POGZ: variants seen among roughly 807,000 people sequenced by gnomAD.
The protein encoded by POGZ is pogo transposable element with ZNF domain.
In POGZ, 17 loss-of-function variants were observed where a neutral mutation model predicts 134.6. The observed-to-expected ratio is 0.13, with a 90% CI of 0.09 to 0.19. The LOEUF (loss-of-function observed/expected upper bound fraction) is 0.19, where lower values mean the gene tolerates loss of function less well. Ranked by LOEUF, POGZ falls within the 10% of genes least tolerant of loss-of-function variation. POGZ has a pLI of 1.00. For missense variants in POGZ, 1,306 were observed against 1,769.7 expected, an observed-to-expected ratio of 0.74 and a Z score of 4.70; for synonymous variants, 693 against 657.1, an observed-to-expected ratio of 1.05 and a Z score of -0.84.
intron 1 of POGZ, among the ~76,000 whole-genome samples, chr1:151,445,412 C>T (rs1160035600): frequency 4.6e-5 from 7 of 151,202 alleles, no homozygotes; most frequent in Admixed American, 4.6e-4. Context: ...ATCCCAGTTA[C>T]TCAGGAAGCT....
intron 10 of POGZ, 85 bp from the exon 11 acceptor site, chr1:151,412,481 C>A: frequency 1.3e-6 from 1 of 745,696 alleles, no homozygotes. Flanking sequence ...TCTCTGCCTC[C>A]TTTATTTTGA....
rs202098093 is a variant in POGZ at position 151,405,476 on chromosome 1, G to A, written c.3559C>T (p.Pro1187Ser). 5 of 1,614,098 alleles carry A rather than the reference G, an allele frequency of 3.1e-6. No individual in the cohort carries two copies. The East Asian group carries it at 8.9e-5, about 29-fold the overall frequency. The change falls in exon 19 of 19, where the codon CCA (proline) becomes TCA (serine). Residue 1187 changes from proline to serine, a missense_variant. By Grantham distance (74) the Pro-to-Ser change is moderately conservative. This residue lies in a region of POGZ where 161 missense variants were observed against 185.4 expected (regional missense o/e 0.87). Transcript: ENST00000271715. This position sits in a 1 kb window ranked among gnomAD's most constrained non-coding sequence, Gnocchi z 4.9. The stretch of plus-strand genomic sequence containing the variant: ...TTTGCCTCTAGCAATATGGAGTCTG[G>A]CATGTTAGCAGGCTGATCCATCTGC... ...RGQMDQPANMPDSILLEAKES... is the reference protein window; with the variant it reads ...RGQMDQPANMSDSILLEAKES...
At chr1:151,440,422 CCTTT>C (rs563620472) in intron 3 of POGZ, among the ~76,000 whole-genome samples, 8 of 151,804 alleles carry the variant, frequency 5.3e-5, no homozygotes, top group African/African-American at 1.7e-4. Context: ...TACTATATAG[CCTTT>C]CTATTAAAAA....
At chr1:151,439,417 T>A (rs1660161164) in intron 3 of POGZ, among the ~76,000 whole-genome samples, 1 of 152,210 alleles carries the variant, frequency 6.6e-6, no homozygotes, top group Non-Finnish European at 1.5e-5. Flanking sequence ...TAAAGTTTGA[T>A]AATACCTAAA....
intron 1 of POGZ, among the ~76,000 whole-genome samples, chr1:151,458,769 C>T (rs1280468441): frequency 6.9e-6 from 1 of 144,610 alleles, no homozygotes; most frequent in Non-Finnish European, 1.5e-5. Context: ...GCCGAGCGTG[C>T]GTGTGGACGT....
intron 1 of POGZ, among the ~76,000 whole-genome samples, chr1:151,458,795 G>T (rs935770802): frequency 6.9e-6 from 1 of 145,668 alleles, no homozygotes; most frequent in Non-Finnish European, 1.5e-5. Context: ...TGTGTGCGGG[G>T]CCGTGGGGCG....
chr1:151,425,844 C>A (rs903824398), intron 7 of POGZ, among the ~76,000 whole-genome samples: 1 of 152,030 alleles, frequency 6.6e-6, no homozygotes, highest in African/African-American at 2.4e-5. Context: ...TGTTCTAGTC[C>A]CTGCTTTCAA....
chr1:151,449,892 C>A (rs1174899723), intron 1 of POGZ, among the ~76,000 whole-genome samples: 1 of 152,172 alleles, frequency 6.6e-6, no homozygotes, highest in African/African-American at 2.4e-5. Flanking sequence ...GTCTCAAAAA[C>A]TCTGCAAGAG....
chr1:151,408,655 C>T, intron 13 of POGZ, 39 bp downstream of exon 13: 1 of 1,604,536 alleles, frequency 6.2e-7, no homozygotes. Context: ...TCTATTCCTC[C>T]CTCCCTGGGC....
intron 17 of POGZ, 96 bp downstream of exon 17, chr1:151,406,815 G>GTC: frequency 9.8e-7 from 1 of 1,024,546 alleles, no homozygotes; most frequent in Non-Finnish European, 1.5e-6. Context: ...AACAGTGAAT[G>GTC]AGTGAGGCCA....
At chr1:151,450,806 T>C (rs994325477) in intron 1 of POGZ, 1 of 148,050 alleles carries the variant, frequency 6.8e-6, no homozygotes, top group Non-Finnish European at 1.5e-5. Context: ...CCTATTTCTA[T>C]GTTCTTCCTC....
chr1:151,413,102 G>GC (rs1180948035), intron 10 of POGZ, among the ~76,000 whole-genome samples: 1 of 127,884 alleles, frequency 7.8e-6, no homozygotes, highest in African/African-American at 2.9e-5. Flanking sequence ...CCGTGCCTGG[G>GC]CTTTTTTTTT....
intron 17 of POGZ, 72 bp downstream of exon 17, chr1:151,406,839 C>T (rs1382156043): frequency 8.5e-7 from 1 of 1,181,714 alleles, no homozygotes; most frequent in African/African-American, 1.5e-5. Context: ...AGGTATGCTC[C>T]TGATGCATAC....
Position 151,404,622 on chromosome 1 carries a change from T to C in POGZ, c.*180A>G. Reference sequence around the variant, plus strand: ...TGGCTCAGACGTGATTACTATTGGTTTTCCTAATTAATCCACAAATCCACA... The same window carrying C: ...TGGCTCAGACGTGATTACTATTGGTCTTCCTAATTAATCCACAAATCCACA... On this transcript the variant is annotated 3_prime_UTR_variant, in exon 19 of 19. Transcript: ENST00000271715. 7.4e-7 allele frequency: 1 copy of C among 1,357,744 alleles called. No homozygotes were observed. Among genetic ancestry groups the C allele is most frequent in the Non-Finnish European group, 9.4e-7 (1 of 1,059,876 alleles). The allele number at this position is 1,357,744 out of a possible 1,614,324, so 84.1% of individuals were successfully genotyped here. A position where few individuals can be genotyped will look rare whatever the true frequency, so the allele number is the denominator to read the frequency against.
rs199532348 is a variant in POGZ at position 151,420,487 on chromosome 1, A to AT, written c.1678+2909dup. 2.1e-3 allele frequency among the ~76,000 whole-genome samples: 319 copies of AT among 151,778 alleles called. 1 individual carries two copies. Among genetic ancestry groups the AT allele is most frequent in the African/African-American group, 7.2e-3 (298 of 41,404 alleles). On this transcript the variant is annotated intron_variant, in intron 10 of 18. Transcript: ENST00000271715. The stretch of plus-strand genomic sequence containing the variant: ...GTGCGCCACCACACCCAATTTTTGT[A>AT]TTTTTTTTGTAGAGACGGGGTTTCT...
In POGZ at chr1:151,408,784, G is replaced by C. The variant is rs548178282; in HGVS notation, c.1971C>G (p.Leu657=). 6.2e-7 allele frequency: 1 copy of C among 1,614,078 alleles called. No homozygotes were observed. Among genetic ancestry groups the C allele is most frequent in the East Asian group, 2.2e-5 (1 of 44,884 alleles). The change falls in exon 13 of 19, where the codon CTC becomes CTG. Residue 657 remains leucine (L), a synonymous_variant. Coordinates refer to ENST00000271715, the MANE Select transcript of POGZ (RefSeq NM_015100.4). ...TGTGTTCAATTTTGTCCTTGGCAAAGAGAAACTGCAGCCGGCATTTGTTGC... is the reference window on the plus strand; with the variant it reads ...TGTGTTCAATTTTGTCCTTGGCAAACAGAAACTGCAGCCGGCATTTGTTGC... The part of the protein sequence containing the change: ...YHCNKCRLQF[L]FAKDKIEHKL...
At chr1:151,448,867 AAAAC>A (rs58342858) in intron 1 of POGZ, among the ~76,000 whole-genome samples, 83 of 152,070 alleles carry the variant, frequency 5.5e-4, no homozygotes, top group African/African-American at 1.3e-3. Flanking sequence ...CCTGTTCTCA[AAAAC>A]AAACAAACAA....
At chr1:151,448,986 G>C (rs1307034205) in intron 1 of POGZ, among the ~76,000 whole-genome samples, 1 of 152,164 alleles carries the variant, frequency 6.6e-6, no homozygotes, top group East Asian at 1.9e-4. Context: ...AGCTAGTAAG[G>C]ATCTTTTTCA....
intron 1 of POGZ, chr1:151,442,577 G>A (rs1166563847): frequency 1.9e-5 from 3 of 158,744 alleles, no homozygotes; most frequent in African/African-American, 2.4e-5. Flanking sequence ...CAGGCGTGGC[G>A]GTGCACCCCT....
Sources: gnomAD v4.1 joint callset for allele counts (sites outside exome capture counted in the v4.1 genomes callset) on GRCh38, gnomAD v4.1.1 for gene constraint, gnomAD v4.1.1 regional missense constraint, Gnocchi (gnomAD v3.1) non-coding constraint, MANE v1.5 for transcripts, NCBI Gene and HGNC (gene_info 2026-07-23, HGNC 2026-07-21) for gene names.